MPPED2: variants seen among roughly 807,000 people sequenced by gnomAD.
MPPED2 encodes the protein metallophosphoesterase domain containing 2, also known as metallophosphoesterase MPPED2.
MPPED2 carries 5 observed loss-of-function variants against 33.0 expected under a neutral mutation model. The observed-to-expected ratio is 0.15, with a 90% CI of 0.08 to 0.32. The LOEUF is 0.32. MPPED2 is among the 10% of genes least tolerant of loss of function. The probability of loss-of-function intolerance (pLI) is 1.00; values close to 1 mark genes in which losing one functional copy is unlikely to be tolerated. For synonymous variants in MPPED2, 136 were observed against 141.9 expected, an observed-to-expected ratio of 0.96 and a Z score of 0.29; for missense variants, 275 against 372.1, an observed-to-expected ratio of 0.74 and a Z score of 2.15.
chr11:30,454,032 C>A (rs143966192), intron 4 of MPPED2, among the ~76,000 whole-genome samples: 2 of 152,132 alleles, frequency 1.3e-5, no homozygotes, highest in Non-Finnish European at 1.5e-5. Context: ...TGGCCACACA[C>A]CCTTGTTTCA....
intron 2 of MPPED2, among the ~76,000 whole-genome samples, chr11:30,574,738 C>T (rs1956847874): frequency 2.0e-5 from 3 of 152,020 alleles, no homozygotes; most frequent in Admixed American, 2.0e-4. Flanking sequence ...ACAGGCCAGG[C>T]ATAAGGACTT....
chr11:30,451,583 A>T (rs948137114), intron 4 of MPPED2: 1 of 543,934 alleles, frequency 1.8e-6, no homozygotes, highest in Non-Finnish European at 2.3e-6. Context: ...AATCTCAGGA[A>T]CCCCACCACT....
intron 6 of MPPED2, among the ~76,000 whole-genome samples, chr11:30,393,589 G>T (rs559751845): frequency 6.7e-6 from 1 of 149,994 alleles, no homozygotes; most frequent in African/African-American, 2.4e-5. Context: ...AACCTCCCAG[G>T]AGTTTTTGTT....
chr11:30,560,851 C>T lies in MPPED2; in HGVS notation c.128+19395G>A, dbSNP rs75365573. Among the ~76,000 whole-genome samples the T allele has an allele frequency of 6.0e-3, 916 of 152,222 alleles. 10 individuals carry two copies. Among genetic ancestry groups the T allele is most frequent in the African/African-American group, 0.021 (873 of 41,504 alleles). ...GTCATGCAAAAATCATGCTACCCCC[C>T]ACCTGGTGTGGAAGAAAAAGAAAAC... On this transcript the variant is annotated intron_variant, in intron 2 of 6. Transcript: ENST00000358117.
chr11:30,524,262 AAAAAAAT>A (rs1400901744), intron 3 of MPPED2, among the ~76,000 whole-genome samples: 1 of 152,120 alleles, frequency 6.6e-6, no homozygotes, highest in East Asian at 1.9e-4. Flanking sequence ...TCAAAAAAGG[AAAAAAAT>A]AAAAAATAAA....
chr11:30,487,535 G>T (rs1951793940), intron 4 of MPPED2, among the ~76,000 whole-genome samples: 2 of 152,270 alleles, frequency 1.3e-5, no homozygotes, highest in South Asian at 4.1e-4. Flanking sequence ...CAGGCTGAGT[G>T]CAGGGGTGTG....
intron 4 of MPPED2, among the ~76,000 whole-genome samples, chr11:30,441,956 T>C (rs558788104): frequency 4.6e-5 from 7 of 152,334 alleles, no homozygotes; most frequent in African/African-American, 1.7e-4. Flanking sequence ...CACTGTATCC[T>C]TACAGCCTAA....
intron 3 of MPPED2, among the ~76,000 whole-genome samples, chr11:30,505,282 A>AAC (rs2134267559): frequency 6.6e-6 from 1 of 152,244 alleles, no homozygotes; most frequent in South Asian, 2.1e-4. Flanking sequence ...TTGTGACCTA[A>AAC]ACACACACAC....
chr11:30,469,533 C>T (rs914057110), intron 4 of MPPED2, among the ~76,000 whole-genome samples: 6 of 152,166 alleles, frequency 3.9e-5, no homozygotes, highest in Admixed American at 3.9e-4. Context: ...TTCAGTCCTA[C>T]TTCTCCAATT....
chr11:30,473,493 C>T (rs1202415857), intron 4 of MPPED2, among the ~76,000 whole-genome samples: 2 of 152,114 alleles, frequency 1.3e-5, no homozygotes, highest in Non-Finnish European at 2.9e-5. Context: ...TCCTCTGTTG[C>T]CACTGCCACT....
At chr11:30,480,961 T>A (rs1951459122) in intron 4 of MPPED2, among the ~76,000 whole-genome samples, 1 of 151,940 alleles carries the variant, frequency 6.6e-6, no homozygotes, top group African/African-American at 2.4e-5. Flanking sequence ...AGATACAGAG[T>A]TTTCCCTACA....
chr11:30,581,667 AAGGCAGATGGCCTGCCAT>A (rs1957174174), intron 1 of MPPED2, among the ~76,000 whole-genome samples: 1 of 152,236 alleles, frequency 6.6e-6, no homozygotes, highest in Non-Finnish European at 1.5e-5. Flanking sequence ...TATCGAGCAA[AAGGCAGATGGCCTGCCAT>A]AGGCCATTTA....
intron 3 of MPPED2, among the ~76,000 whole-genome samples, chr11:30,531,393 G>A (rs1954518664): frequency 6.6e-6 from 1 of 152,158 alleles, no homozygotes; most frequent in Non-Finnish European, 1.5e-5. Context: ...ATGGAAAACA[G>A]GGGCTCTGTC....
intron 6 of MPPED2, among the ~76,000 whole-genome samples, chr11:30,399,175 T>A (rs376236358): frequency 6.6e-6 from 1 of 151,914 alleles, no homozygotes; most frequent in African/African-American, 2.4e-5. Flanking sequence ...TTTTTTTTAA[T>A]AAACAACATT....
chr11:30,466,875 C>T (rs769452285), intron 4 of MPPED2, among the ~76,000 whole-genome samples: 5 of 152,122 alleles, frequency 3.3e-5, no homozygotes, highest in African/African-American at 1.2e-4. Flanking sequence ...CTGGTAACAA[C>T]GGGAAACCAT....
chr11:30,387,579 G>A (rs971681231), exon 7 of MPPED2: 12 of 152,176 alleles, frequency 7.9e-5, no homozygotes, highest in African/African-American at 2.7e-4. Context: ...GGAGCAATGG[G>A]ATCAGGGAGC....
At chr11:30,562,501 G>A (rs1313441413) in intron 2 of MPPED2, among the ~76,000 whole-genome samples, 1 of 152,078 alleles carries the variant, frequency 6.6e-6, no homozygotes, top group African/African-American at 2.4e-5. Flanking sequence ...ATGCCTACAG[G>A]GAAAAACTAG....
In MPPED2 at chr11:30,415,059, C is replaced by T. The variant is rs564848091; in HGVS notation, c.653-718G>A. Among the ~76,000 whole-genome samples, 24 of 152,224 alleles carry T rather than the reference C, an allele frequency of 1.6e-4. 1 individual carries two copies. The East Asian group carries it at 3.9e-3, about 24-fold the overall frequency. On this transcript the variant is annotated intron_variant, in intron 5 of 6. Transcript: ENST00000358117. ...ATTATGGCCTGGAATGGAATCCATA[C>T]GCCTCAGCAGGATAGGGCATAAAGA...
At chr11:30,536,638 A>C (rs986382714) in intron 2 of MPPED2, among the ~76,000 whole-genome samples, 2 of 152,226 alleles carry the variant, frequency 1.3e-5, no homozygotes, top group African/African-American at 4.8e-5. Flanking sequence ...CAGTCTGCAC[A>C]TGCTCTGCCA....
Sources: allele counts gnomAD v4.1 joint callset (sites outside exome capture counted in the v4.1 genomes callset), GRCh38; gene constraint gnomAD v4.1.1; transcripts MANE v1.5; gene names NCBI Gene and HGNC (gene_info 2026-07-23, HGNC 2026-07-21).